Variants in PTPRN2 observed in about 807,000 individuals in gnomAD.
PTPRN2 encodes the protein receptor-type tyrosine-protein phosphatase N2.
In PTPRN2, 74 loss-of-function variants were observed where a neutral mutation model predicts 118.8. The observed-to-expected ratio is 0.62, with a 90% confidence interval of 0.52 to 0.76. The LOEUF is 0.76. Among genes scored for constraint, PTPRN2 ranks in the 30% least tolerant of loss-of-function variants. The pLI is 0.00. For synonymous variants in PTPRN2, 641 were observed against 608.0 expected (o/e 1.05, Z -0.80); for missense variants, 1,481 against 1,394.4 (o/e 1.06, Z -0.99).
At chr7:158,307,755 T>C (rs1409829330) in intron 3 of PTPRN2, among the ~76,000 whole-genome samples, 1 of 152,206 alleles carries the variant, frequency 6.6e-6, no homozygotes, top group African/African-American at 2.4e-5. Flanking sequence ...TGTTGAAGTT[T>C]AATCCCTAAT....
At position 158,484,636 on chromosome 7, in the gene PTPRN2, T is replaced by A. The variant is rs371125635; in HGVS notation, c.163+5099A>T. Among the ~76,000 whole-genome samples, 9 of 152,338 alleles carry A rather than the reference T, an allele frequency of 5.9e-5. No homozygotes were observed. The East Asian group carries it at 1.7e-3, about 29-fold the overall frequency. ...CCTCGGCCTCCTGAAGTGCTGGGAT[T>A]ACAGGGTGAGCCTCCGCCCTGGCCT... On this transcript the variant is annotated intron_variant, in intron 2 of 22. Coordinates refer to ENST00000389418, the MANE Select transcript of PTPRN2 (RefSeq NM_002847.5).
At chr7:158,385,972 T>A (rs555024406) in intron 2 of PTPRN2, among the ~76,000 whole-genome samples, 13 of 125,380 alleles carry the variant, frequency 1.0e-4, no homozygotes, top group African/African-American at 3.6e-4. Flanking sequence ...TCTGTGCCCC[T>A]CCTCCCTCCT....
At chr7:158,439,149 A>T (rs1816792358) in intron 2 of PTPRN2, among the ~76,000 whole-genome samples, 1 of 152,204 alleles carries the variant, frequency 6.6e-6, no homozygotes, top group Admixed American at 6.5e-5. Flanking sequence ...ACTGAACCAA[A>T]GTATGTCTTA....
chr7:158,340,061 TGTCACCATAAGAGGTGACAC>T, intron 2 of PTPRN2, among the ~76,000 whole-genome samples: 4 of 75,656 alleles, frequency 5.3e-5, no homozygotes, highest in Non-Finnish European at 5.6e-5. Flanking sequence ...ACACCCACAC[TGTCACCATAAGAGGTGACAC>T]CTGCAGACGT....
chr7:158,296,481 A>G (rs1284325621), intron 3 of PTPRN2, among the ~76,000 whole-genome samples: 1 of 152,212 alleles, frequency 6.6e-6, no homozygotes, highest in Admixed American at 6.5e-5. Flanking sequence ...AAGAAACTCC[A>G]GGACACAGAA....
chr7:158,070,312 TGGTGG>T (rs1811120865), intron 11 of PTPRN2, among the ~76,000 whole-genome samples: 1 of 149,420 alleles, frequency 6.7e-6, no homozygotes, highest in East Asian at 2.0e-4. Context: ...GTGCTCCTGG[TGGTGG>T]AGGTGCTCGT....
At chr7:158,243,264 G>A (rs1373819173) in intron 3 of PTPRN2, among the ~76,000 whole-genome samples, 1 of 152,230 alleles carries the variant, frequency 6.6e-6, no homozygotes, top group East Asian at 1.9e-4. Flanking sequence ...ACTCAGAGCT[G>A]AAAAGAGGCA....
At chr7:157,571,255 C>T (rs1210607433) in intron 20 of PTPRN2, among the ~76,000 whole-genome samples, 185 bp downstream of exon 20, 1 of 138,692 alleles carries the variant, frequency 7.2e-6, no homozygotes, top group Non-Finnish European at 1.6e-5. Context: ...AGACATAATA[C>T]AAGCAACGCC....
intron 2 of PTPRN2, among the ~76,000 whole-genome samples, chr7:158,410,917 T>TGTGCTCATGGGGTGGGAGGCCCC (rs1301324036): frequency 2.0e-5 from 3 of 151,644 alleles, no homozygotes; most frequent in Admixed American, 6.6e-5. Context: ...GACGGGACAG[T>TGTGCTCATGGGGTGGGAGGCCCC]GTGCTCATGG....
At chr7:157,651,809 C>T (rs1274687987) in intron 14 of PTPRN2, among the ~76,000 whole-genome samples, 2 of 152,254 alleles carry the variant, frequency 1.3e-5, no homozygotes, top group Non-Finnish European at 1.5e-5. Flanking sequence ...TTCAGAGTCC[C>T]GAGCCTTGCT....
chr7:158,029,188 G>A (rs975351339), intron 11 of PTPRN2: 11 of 128,930 alleles, frequency 8.5e-5, no homozygotes, highest in Non-Finnish European at 1.4e-4. Context: ...GTATCCACTC[G>A]CCGGGGGCAC....
chr7:157,890,293 T>A (rs1266677357), intron 12 of PTPRN2, among the ~76,000 whole-genome samples: 1 of 152,162 alleles, frequency 6.6e-6, no homozygotes, highest in Non-Finnish European at 1.5e-5. Context: ...CATTTGGTCT[T>A]TATTTATAAA....
intron 12 of PTPRN2, among the ~76,000 whole-genome samples, chr7:157,698,628 T>C (rs1425668909): frequency 2.6e-5 from 4 of 152,260 alleles, no homozygotes; most frequent in African/African-American, 9.6e-5. Context: ...CCATTAAAAG[T>C]AGCATTTTGA....
intron 2 of PTPRN2, among the ~76,000 whole-genome samples, chr7:158,441,859 G>C (rs1817313875): frequency 6.8e-6 from 1 of 147,388 alleles, no homozygotes; most frequent in African/African-American, 2.6e-5. Context: ...TGGTGATAGT[G>C]ATGGTCATGG....
intron 11 of PTPRN2, among the ~76,000 whole-genome samples, chr7:157,957,980 A>G (rs1248875255): frequency 6.6e-6 from 1 of 152,236 alleles, no homozygotes; most frequent in East Asian, 1.9e-4. Flanking sequence ...ACTGATGCAA[A>G]AAATCTTCGA....
At position 158,279,762 on chromosome 7, in the gene PTPRN2, A is replaced by G. The variant is rs1007542711; in HGVS notation, c.277+37057T>C. Among the ~76,000 whole-genome samples the G allele has an allele frequency of 4.6e-4, 70 of 152,202 alleles. 2 individuals are homozygous for G. Among genetic ancestry groups the G allele is most frequent in the Non-Finnish European group, 4.4e-5 (3 of 68,036 alleles). ...GAGGGAGCCGGCTCCGGCCTCAGCA[A>G]GCCCCAGAGAGGGGCCCCCACAGTG... On this transcript the variant is annotated intron_variant, in intron 3 of 22. Transcript: ENST00000389418.
intron 2 of PTPRN2, among the ~76,000 whole-genome samples, chr7:158,385,226 A>G (rs1306296541): frequency 6.6e-6 from 1 of 152,196 alleles, no homozygotes; most frequent in Non-Finnish European, 1.5e-5. Flanking sequence ...ACTGTAACAA[A>G]AGCTACTTTA....
rs1554453561 is a variant in PTPRN2, at chr7:158,316,805, C to G, written c.277+14G>C. The G allele has an allele frequency of 6.3e-7, 1 of 1,580,726 alleles. No individual in the cohort carries two copies. Among genetic ancestry groups the G allele is most frequent in the Non-Finnish European group, 8.6e-7 (1 of 1,169,044 alleles). On this transcript the variant is annotated intron_variant, in intron 3 of 22. Coordinates refer to ENST00000389418, the MANE Select transcript of PTPRN2 (RefSeq NM_002847.5). The stretch of plus-strand genomic sequence containing the variant: ...GTGCGGCAGCCGCCGAGCCTCGGCC[C>G]ACGCCCGCCCTACCTGTGCCGGAAA...
chr7:158,047,226 G>A (rs1041194545), intron 11 of PTPRN2, among the ~76,000 whole-genome samples: 1 of 152,248 alleles, frequency 6.6e-6, no homozygotes, highest in East Asian at 1.9e-4. Context: ...CAGGGAAGAA[G>A]CACAGTCACC....
Sources: gnomAD v4.1 joint callset for allele counts (sites outside exome capture counted in the v4.1 genomes callset) on GRCh38, gnomAD v4.1.1 for gene constraint, MANE v1.5 for transcripts, NCBI Gene and HGNC (gene_info 2026-07-23, HGNC 2026-07-21) for gene names.